Variants in NTRK2 observed in about 807,000 individuals in gnomAD.
NTRK2 encodes the protein neurotrophic receptor tyrosine kinase 2.
In NTRK2, 13 loss-of-function variants were observed where a neutral mutation model predicts 94.5. That is an observed-to-expected ratio of 0.14 (90% CI 0.09 to 0.22). The LOEUF (loss-of-function observed/expected upper bound fraction) is 0.22, where lower values mean the gene tolerates loss of function less well. NTRK2 is among the 10% of genes least tolerant of loss of function. NTRK2 has a pLI of 1.00. For synonymous variants in NTRK2, 372 were observed against 407.4 expected (o/e 0.91, Z 1.05); for missense variants, 639 against 1,071.2 (o/e 0.60, Z 5.63).
chr9:84,864,879 T>G lies in NTRK2; in HGVS notation c.1445-2364T>G, dbSNP rs140176539. Reference sequence around the variant, plus strand: ...TTTCAGCCCCCCGAGTAGTTGGGATTACAGGTGCACGCCACCACACCTGGC... The same window carrying G: ...TTTCAGCCCCCCGAGTAGTTGGGATGACAGGTGCACGCCACCACACCTGGC... On this transcript the variant is annotated intron_variant, in intron 13 of 18. Coordinates refer to ENST00000277120, the MANE Select transcript of NTRK2 (RefSeq NM_006180.6). 5.0e-3 allele frequency among the ~76,000 whole-genome samples: 755 copies of G among 151,910 alleles called. 3 individuals are homozygous for G. The highest frequency in any genetic ancestry group is 0.017 in the African/African-American group (720 of 41,432).
intron 1 of NTRK2, 91 bp from the exon 2 acceptor site, chr9:84,670,286 G>T (rs1587814521): frequency 3.7e-6 from 1 of 270,314 alleles, no homozygotes; most frequent in East Asian, 5.6e-5. Context: ...TGGGGTCGGG[G>T]TGGGGATGAC....
chr9:84,797,730 TTATATATACTATAA>T (rs2069671813), intron 12 of NTRK2, among the ~76,000 whole-genome samples: 1 of 80,636 alleles, frequency 1.2e-5, no homozygotes, highest in African/African-American at 5.3e-5. Flanking sequence ...ATATTATATA[TTATATATACTATAA>T]TATATATTAT....
rs1429513097 is a variant in NTRK2 at position 84,857,520 on chromosome 9, C to T, written c.1397-3520C>T. 2.0e-5 allele frequency among the ~76,000 whole-genome samples: 3 copies of T among 152,118 alleles called. No individual in the cohort carries two copies. The East Asian group carries it at 5.8e-4, about 29-fold the overall frequency. On this transcript the variant is annotated intron_variant, in intron 12 of 18. Transcript: ENST00000277120. Reference sequence around the variant, plus strand: ...AAAGTTTTAAGACGACTGCTTAAATCCATCAAGAAAGAGCTGTTGAATGAA... The same window carrying T: ...AAAGTTTTAAGACGACTGCTTAAATTCATCAAGAAAGAGCTGTTGAATGAA...
intron 12 of NTRK2, among the ~76,000 whole-genome samples, chr9:84,783,706 C>A (rs1428534522): frequency 6.6e-6 from 1 of 151,724 alleles, no homozygotes; most frequent in Non-Finnish European, 1.5e-5. Flanking sequence ...ATTTTATGTC[C>A]CAAGATGTGA....
intron 12 of NTRK2, among the ~76,000 whole-genome samples, chr9:84,755,692 T>A (rs1178436808): frequency 6.6e-6 from 1 of 152,126 alleles, no homozygotes; most frequent in African/African-American, 2.4e-5. Flanking sequence ...CTTTTTATTT[T>A]GCATGTGAAC....
intron 17 of NTRK2, among the ~76,000 whole-genome samples, chr9:85,005,567 A>G (rs1830863576): frequency 6.6e-6 from 1 of 152,200 alleles, no homozygotes; most frequent in Non-Finnish European, 1.5e-5. Flanking sequence ...ATAGATGTAG[A>G]TACAGATACA....
At chr9:84,699,710 G>A (rs1191697444) in intron 2 of NTRK2, among the ~76,000 whole-genome samples, 1 of 148,844 alleles carries the variant, frequency 6.7e-6, no homozygotes, top group African/African-American at 2.5e-5. Context: ...ATTGAATTCC[G>A]GGCTCCGTTG....
At chr9:84,811,770 C>T (rs1488025682) in intron 12 of NTRK2, 3 of 1,065,440 alleles carry the variant, frequency 2.8e-6, no homozygotes, top group Non-Finnish European at 2.3e-6. Flanking sequence ...AGCCTTAGAG[C>T]TGTGGATTTC....
chr9:84,958,084 TG>T (rs1219637174), intron 17 of NTRK2, among the ~76,000 whole-genome samples: 1 of 151,874 alleles, frequency 6.6e-6, no homozygotes, highest in African/African-American at 2.4e-5. Context: ...TACCGGGAGA[TG>T]GGGGCAGGGA....
chr9:85,021,621 T>C lies in NTRK2; in HGVS notation c.*184T>C, dbSNP rs1832784765. On this transcript the variant is annotated 3_prime_UTR_variant, in exon 19 of 19. Coordinates refer to ENST00000277120, the MANE Select transcript of NTRK2 (RefSeq NM_006180.6). Reference sequence around the variant, plus strand: ...TACTTCTTCATCCATAGACACAGTATTGACTTCTTTTTGGCATTATCTCTT... The same window carrying C: ...TACTTCTTCATCCATAGACACAGTACTGACTTCTTTTTGGCATTATCTCTT... 4 of 649,364 alleles carry C rather than the reference T, an allele frequency of 6.2e-6. No individual in the cohort carries two copies. Among genetic ancestry groups the C allele is most frequent in the African/African-American group, 1.8e-5 (1 of 55,638 alleles). The allele number at this position is 649,364 out of a possible 1,614,324, so 40.2% of individuals were successfully genotyped here.
intron 14 of NTRK2, among the ~76,000 whole-genome samples, chr9:84,927,522 A>T (rs1396062828): frequency 1.3e-5 from 2 of 152,112 alleles, no homozygotes; most frequent in Non-Finnish European, 2.9e-5. Flanking sequence ...GTAAAAGTTT[A>T]TTGAACTAAA....
At chr9:84,737,390 ATAAG>A (rs1461755284) in intron 9 of NTRK2, among the ~76,000 whole-genome samples, 1 of 152,230 alleles carries the variant, frequency 6.6e-6, no homozygotes, top group Non-Finnish European at 1.5e-5. Context: ...TTCATGAGCT[ATAAG>A]TGAGTTTAGA....
rs949429287 is a variant in NTRK2, at chr9:84,872,219, A to C, written c.1633+4788A>C. The C allele has an allele frequency of 9.6e-6, 11 of 1,140,370 alleles. No homozygotes were observed. In the African/African-American group the frequency reaches 1.7e-4, roughly 17 times the overall value. The allele number at this position is 1,140,370 out of a possible 1,614,324, so 70.6% of individuals were successfully genotyped here. A position where few individuals can be genotyped will look rare whatever the true frequency, so the allele number is the denominator to read the frequency against. On this transcript the variant is annotated intron_variant, in intron 14 of 18. Coordinates refer to ENST00000277120, the MANE Select transcript of NTRK2 (RefSeq NM_006180.6). ...AAATTTACAAACTCAGCTCAAGGGCAGCTGTGTTGCTTTCCTTTCCTTGAC... is the reference window on the plus strand; with the variant it reads ...AAATTTACAAACTCAGCTCAAGGGCCGCTGTGTTGCTTTCCTTTCCTTGAC...
intron 12 of NTRK2, chr9:84,814,750 A>G: frequency 9.4e-7 from 1 of 1,064,408 alleles, no homozygotes; most frequent in Non-Finnish European, 1.1e-6. Flanking sequence ...TGGACTGAGG[A>G]CAAGCAATTC....
At chr9:84,759,296 A>C (rs917486910) in intron 12 of NTRK2, among the ~76,000 whole-genome samples, 3 of 152,216 alleles carry the variant, frequency 2.0e-5, no homozygotes, top group African/African-American at 7.2e-5. Flanking sequence ...TGTCTATCTG[A>C]GAGCAGAAGA....
chr9:84,919,615 A>G (rs1328481081), intron 14 of NTRK2, among the ~76,000 whole-genome samples: 8 of 152,184 alleles, frequency 5.3e-5, no homozygotes. Context: ...ATAAAATTGC[A>G]TGTGAGAGTA....
At chr9:84,951,148 C>T (rs1241707914) in intron 16 of NTRK2, among the ~76,000 whole-genome samples, 2 of 152,196 alleles carry the variant, frequency 1.3e-5, no homozygotes, top group Non-Finnish European at 2.9e-5. Context: ...TTTAATTCTT[C>T]TTTGCTGGGC....
intron 12 of NTRK2, among the ~76,000 whole-genome samples, chr9:84,817,821 G>C (rs2072523824): frequency 6.6e-6 from 1 of 152,162 alleles, no homozygotes. Flanking sequence ...TCTGGTAATA[G>C]CTCTAGAAGG....
At chr9:84,765,548 G>A (rs1216061201) in intron 12 of NTRK2, among the ~76,000 whole-genome samples, 1 of 152,110 alleles carries the variant, frequency 6.6e-6, no homozygotes, top group Admixed American at 6.6e-5. Flanking sequence ...CCTGGTTTGT[G>A]GCCAATCCAG....
Sources: allele counts gnomAD v4.1 joint callset (sites outside exome capture counted in the v4.1 genomes callset), GRCh38; gene constraint gnomAD v4.1.1; transcripts MANE v1.5; gene names NCBI Gene and HGNC (gene_info 2026-07-23, HGNC 2026-07-21).